The following SUSD6 variants were observed in gnomAD, a reference collection of about 807,000 sequenced individuals.
SUSD6 encodes the protein sushi domain-containing protein 6.
SUSD6 carries 16 observed loss-of-function variants against 28.4 expected under a neutral mutation model. The ratio of observed to expected loss-of-function variants is 0.56; its 90% CI spans 0.38 to 0.86. SUSD6 has a LOEUF of 0.86. Among genes scored for constraint, SUSD6 ranks in the 40% least tolerant of loss-of-function variants. The pLI is 0.00. For missense variants in SUSD6, 341 were observed against 384.2 expected (o/e 0.89, Z 0.94); for synonymous variants, 147 against 159.6 (o/e 0.92, Z 0.59).
At chr14:69,640,965 A>G (rs955063446) in intron 1 of SUSD6, among the ~76,000 whole-genome samples, 3 of 152,226 alleles carry the variant, frequency 2.0e-5, no homozygotes, top group African/African-American at 7.2e-5. Context: ...TTCAGAGGAT[A>G]CTGTACTTGC....
chr14:69,693,461 G>A (rs1054308734), intron 2 of SUSD6, among the ~76,000 whole-genome samples: 1 of 152,180 alleles, frequency 6.6e-6, no homozygotes, highest in African/African-American at 2.4e-5. Context: ...TACTGAACTG[G>A]AACAAGGAGA....
At position 69,704,673 on chromosome 14, in the gene SUSD6, C is replaced by T. The variant is rs1181073208; in HGVS notation, c.389C>T (p.Ala130Val). Residue 130 changes from alanine (A) to valine (V), a missense_variant, in exon 4 of 6, where the codon GCG becomes GTG. Ala to Val is a moderately conservative substitution (Grantham distance 64). Coordinates refer to ENST00000342745, the MANE Select transcript of SUSD6 (RefSeq NM_014734.4). ...GTGGCTTCTACTGCCAGCTCCGTGG[C>T]GCTCATTCTCCTCCTCGTGGTGCTG... The part of the protein sequence containing the change: ...SIVASTASSV[A>V]LILLLVVLFV... 16 of 1,614,170 alleles carry T rather than the reference C, an allele frequency of 9.9e-6. No individual in the cohort carries two copies. Among genetic ancestry groups the T allele is most frequent in the East Asian group, 4.5e-5 (2 of 44,882 alleles).
At chr14:69,639,859 A>T (rs1312665217) in intron 1 of SUSD6, among the ~76,000 whole-genome samples, 1 of 151,670 alleles carries the variant, frequency 6.6e-6, no homozygotes. Flanking sequence ...GACATTGCCA[A>T]ATGGGGGAGG....
At chr14:69,688,750 A>G (rs1219661196) in intron 2 of SUSD6, among the ~76,000 whole-genome samples, 1 of 152,194 alleles carries the variant, frequency 6.6e-6, no homozygotes, top group African/African-American at 2.4e-5. Flanking sequence ...AATAGTTTCC[A>G]GGGGATGTAG....
At chr14:69,638,243 A>G (rs1885293640) in intron 1 of SUSD6, among the ~76,000 whole-genome samples, 1 of 152,014 alleles carries the variant, frequency 6.6e-6, no homozygotes, top group South Asian at 2.1e-4. Flanking sequence ...CCTCCTGGAG[A>G]GCCTTTGAAT....
At chr14:69,682,210 G>T (rs1886006512) in intron 2 of SUSD6, among the ~76,000 whole-genome samples, 1 of 152,098 alleles carries the variant, frequency 6.6e-6, no homozygotes, top group African/African-American at 2.4e-5. Flanking sequence ...AGTAATGCAT[G>T]CCTGGAATCC....
chr14:69,656,702 G>A (rs1159545745), intron 1 of SUSD6, among the ~76,000 whole-genome samples: 1 of 152,232 alleles, frequency 6.6e-6, no homozygotes, highest in East Asian at 1.9e-4. Flanking sequence ...ACTCTACGAA[G>A]TTAGTATGGT....
chr14:69,614,849 A>G (rs964299025), intron 1 of SUSD6, among the ~76,000 whole-genome samples: 1 of 152,212 alleles, frequency 6.6e-6, no homozygotes. Context: ...TTCCCCATTT[A>G]TTAAGAGACA....
rs10554011 is a variant in SUSD6 at position 69,619,598 on chromosome 14, G to GAAA, written c.-81+7784_-81+7786dup. 3.6e-3 allele frequency among the ~76,000 whole-genome samples: 425 copies of GAAA among 119,128 alleles called. 1 individual carries two copies. The highest frequency in any genetic ancestry group is 0.012 in the African/African-American group (397 of 34,000). The allele number at this position is 119,128 out of a possible 152,430, so 78.2% of individuals were successfully genotyped here. A position where few individuals can be genotyped will look rare whatever the true frequency, so the allele number is the denominator to read the frequency against. ...CATAGTGAGAGTCCACATCTCTACA[G>GAAA]AAAAAAAAAAAAAAAATTAAAAATT... On this transcript the variant is annotated intron_variant, in intron 1 of 5. Coordinates refer to ENST00000342745, the MANE Select transcript of SUSD6 (RefSeq NM_014734.4).
At chr14:69,698,939 C>T (rs1886273215) in intron 2 of SUSD6, among the ~76,000 whole-genome samples, 1 of 152,212 alleles carries the variant, frequency 6.6e-6, no homozygotes, top group Non-Finnish European at 1.5e-5. Context: ...CAGGTGAGTT[C>T]ATTGTCTTCC....
At position 69,708,680 on chromosome 14, in the gene SUSD6, T is replaced by G. The variant is rs1389718347; in HGVS notation, c.462T>G (p.Arg154=). The G allele has an allele frequency of 1.3e-6, 2 of 1,563,038 alleles. No individual in the cohort carries two copies. Among genetic ancestry groups the G allele is most frequent in the Admixed American group, 3.8e-5 (2 of 52,754 alleles). ...PKLKSFHHSR[R]DQGVSGDQVS... The stretch of plus-strand genomic sequence containing the variant: ...GTCTTTTCCTCCTCCACTCCAGGCG[T>G]GACCAGGGGGTATCTGGGGACCAGG... The change falls in exon 5 of 6, where the codon CGT becomes CGG. Residue 154 remains arginine, a synonymous_variant. Transcript: ENST00000342745.
chr14:69,630,684 A>G (rs1264125141), intron 1 of SUSD6, among the ~76,000 whole-genome samples: 2 of 151,752 alleles, frequency 1.3e-5, no homozygotes, highest in African/African-American at 2.4e-5. Context: ...ATGGAAAAAA[A>G]AAAAGAAAAA....
At chr14:69,664,033 C>T (rs541571054) in intron 2 of SUSD6, among the ~76,000 whole-genome samples, 4 of 150,886 alleles carry the variant, frequency 2.7e-5, no homozygotes, top group African/African-American at 7.3e-5. Context: ...GGCTGGAGTA[C>T]AGTGGCGCGA....
At chr14:69,656,639 A>C (rs1267135604) in intron 1 of SUSD6, among the ~76,000 whole-genome samples, 1 of 152,234 alleles carries the variant, frequency 6.6e-6, no homozygotes, top group Non-Finnish European at 1.5e-5. Context: ...CTGAGGACTT[A>C]CAAAGCACCA....
chr14:69,701,954 C>T (rs1300385065), intron 2 of SUSD6, among the ~76,000 whole-genome samples: 1 of 152,128 alleles, frequency 6.6e-6, no homozygotes, highest in Non-Finnish European at 1.5e-5. Context: ...GGCTGGCAGT[C>T]AGCTTGCTTA....
At chr14:69,652,537 C>A (rs1386030233) in intron 1 of SUSD6, among the ~76,000 whole-genome samples, 1 of 152,170 alleles carries the variant, frequency 6.6e-6, no homozygotes, top group African/African-American at 2.4e-5. Context: ...CTGGGAGCCA[C>A]GCTTGACTGA....
intron 1 of SUSD6, among the ~76,000 whole-genome samples, chr14:69,652,558 TCTTGC>T (rs749277414): frequency 6.6e-6 from 1 of 152,214 alleles, no homozygotes; most frequent in Non-Finnish European, 1.5e-5. Context: ...ATCAGACCCC[TCTTGC>T]CTTTAGGAGA....
chr14:69,673,521 C>G (rs1240509938), intron 2 of SUSD6, among the ~76,000 whole-genome samples: 1 of 152,074 alleles, frequency 6.6e-6, no homozygotes, highest in Non-Finnish European at 1.5e-5. Flanking sequence ...GACAAGTGGC[C>G]CTCTCAGAAA....
chr14:69,654,812 T>C (rs947003191), intron 1 of SUSD6, among the ~76,000 whole-genome samples: 3 of 112,098 alleles, frequency 2.7e-5, no homozygotes, highest in Non-Finnish European at 5.3e-5. Flanking sequence ...TGTGTGTGTG[T>C]GAAACAGAGT....
Sources: gnomAD v4.1 joint callset for allele counts (sites outside exome capture counted in the v4.1 genomes callset) on GRCh38, gnomAD v4.1.1 for gene constraint, MANE v1.5 for transcripts, NCBI Gene and HGNC (gene_info 2026-07-23, HGNC 2026-07-21) for gene names.